OTUD7A: variants seen among roughly 807,000 people sequenced by gnomAD.
OTUD7A encodes the protein OTU deubiquitinase 7A.
A neutral mutation model predicts 65.7 loss-of-function variants in OTUD7A; 12 were observed. That is an observed-to-expected ratio of 0.18 (90% CI 0.12 to 0.30). The LOEUF is 0.30. Ranked by LOEUF, OTUD7A falls within the 10% of genes least tolerant of loss-of-function variation. OTUD7A has a pLI of 1.00. For synonymous variants in OTUD7A, 641 were observed against 586.3 expected (o/e 1.09, Z -1.35); for missense variants, 1,148 against 1,304.8 (o/e 0.88, Z 1.85).
At chr15:31,569,352 A>G (rs1202699571) in intron 4 of OTUD7A, among the ~76,000 whole-genome samples, 1 of 152,264 alleles carries the variant, frequency 6.6e-6, no homozygotes, top group African/African-American at 2.4e-5. Context: ...TTAACACATT[A>G]TAGAATAAAA....
intron 1 of OTUD7A, chr15:31,768,273 C>T (rs916074005): frequency 6.0e-5 from 44 of 738,236 alleles, no homozygotes; most frequent in Middle Eastern, 6.8e-4. Context: ...CGGGCAGCGG[C>T]GAGTCTCGGC....
intron 3 of OTUD7A, among the ~76,000 whole-genome samples, chr15:31,585,412 G>T (rs1253367679): frequency 6.6e-6 from 1 of 152,222 alleles, no homozygotes; most frequent in Non-Finnish European, 1.5e-5. Context: ...CCAGCTCTGG[G>T]GAATCTCATC....
chr15:31,821,269 G>A (rs1896675587), intron 1 of OTUD7A, among the ~76,000 whole-genome samples: 2 of 148,956 alleles, frequency 1.3e-5, no homozygotes, highest in African/African-American at 4.9e-5. Flanking sequence ...CCGAGTAGCT[G>A]GGACTACAGG....
At chr15:31,648,570 T>TA (rs2141270646) in intron 3 of OTUD7A, among the ~76,000 whole-genome samples, 1 of 152,278 alleles carries the variant, frequency 6.6e-6, no homozygotes, top group East Asian at 1.9e-4. Flanking sequence ...TTTCTCCTGA[T>TA]CACAAATTTG....
At chr15:31,548,258 C>G (rs1888201516) in intron 5 of OTUD7A, among the ~76,000 whole-genome samples, 1 of 150,562 alleles carries the variant, frequency 6.6e-6, no homozygotes, top group Non-Finnish European at 1.5e-5. Flanking sequence ...GTCAGATGTT[C>G]CTGCGCGGTG....
intron 3 of OTUD7A, among the ~76,000 whole-genome samples, chr15:31,572,410 C>T (rs1889081387): frequency 6.6e-6 from 1 of 152,136 alleles, no homozygotes; most frequent in South Asian, 2.1e-4. Context: ...TTCCAGGATG[C>T]CTCAATTTCT....
intron 1 of OTUD7A, among the ~76,000 whole-genome samples, chr15:31,837,372 CAAAAAAAAAAA>C (rs57479397): frequency 5.8e-5 from 7 of 120,312 alleles, no homozygotes; most frequent in Admixed American, 8.3e-5. Context: ...ACTAAAAATA[CAAAAAAAAAAA>C]AAAAAAAAAA....
At position 31,483,549 on chromosome 15, in the gene OTUD7A, C is replaced by T; in HGVS notation, c.2547G>A (p.Gly849=). 5 of 1,310,474 alleles carry T rather than the reference C, an allele frequency of 3.8e-6. No homozygotes were observed. Among genetic ancestry groups the T allele is most frequent in the South Asian group, 1.9e-5 (1 of 53,620 alleles). The allele number at this position is 1,310,474 out of a possible 1,614,324, so 81.2% of individuals were successfully genotyped here. ...AGGTCTGCGACTTGTGCTCGGCCGCCCCCGCCGTCCCCGCCGCGCCCGGTA... is the reference window on the plus strand; with the variant it reads ...AGGTCTGCGACTTGTGCTCGGCCGCTCCCGCCGTCCCCGCCGCGCCCGGTA... ...GALPGAAGTA[G]AAEHKSQTYT... The change falls in exon 13 of 13, where the codon GGG becomes GGA. Residue 849 remains glycine, a synonymous_variant. Coordinates refer to ENST00000307050, the MANE Select transcript of OTUD7A (RefSeq NM_001382637.1).
chr15:31,769,593 C>T (rs575943833), intron 1 of OTUD7A, among the ~76,000 whole-genome samples: 6 of 152,134 alleles, frequency 3.9e-5, no homozygotes, highest in Non-Finnish European at 8.8e-5. Flanking sequence ...AATAAACAAA[C>T]GGTGGTGCAT....
At chr15:31,859,714 C>T (rs1310971697) in intron 1 of OTUD7A, among the ~76,000 whole-genome samples, 1 of 152,168 alleles carries the variant, frequency 6.6e-6, no homozygotes, top group African/African-American at 2.4e-5. Flanking sequence ...TTATAAAAGT[C>T]CCAATGGGTT....
chr15:31,533,693 G>A (rs1201552195), intron 5 of OTUD7A, among the ~76,000 whole-genome samples: 5 of 152,154 alleles, frequency 3.3e-5, no homozygotes, highest in Admixed American at 6.5e-5. Flanking sequence ...GAAAGGAAAC[G>A]ATAAAAGAAG....
chr15:31,752,121 C>T (rs942345921), intron 1 of OTUD7A, among the ~76,000 whole-genome samples: 5 of 152,062 alleles, frequency 3.3e-5, no homozygotes, highest in African/African-American at 9.7e-5. Context: ...TGAAAGAACT[C>T]CAGGTACCTA....
chr15:31,746,756 A>G (rs1291702869), intron 1 of OTUD7A, among the ~76,000 whole-genome samples: 1 of 152,162 alleles, frequency 6.6e-6, no homozygotes, highest in Non-Finnish European at 1.5e-5. Flanking sequence ...TCTGCCTCCC[A>G]AAGTGCTGGG....
At chr15:31,661,429 CA>C (rs200498660) in intron 1 of OTUD7A, among the ~76,000 whole-genome samples, 2,060 of 152,196 alleles carry the variant, frequency 0.014, 27 homozygotes, top group Middle Eastern at 0.041. Flanking sequence ...TTTAGGCTAA[CA>C]AGGAGAACAC....
chr15:31,669,638 G>A (rs190895102), intron 1 of OTUD7A, among the ~76,000 whole-genome samples: 3 of 152,280 alleles, frequency 2.0e-5, no homozygotes, highest in Admixed American at 2.0e-4. Flanking sequence ...GGACAGATTC[G>A]CACCCTCCCC....
chr15:31,676,230 T>TATTA (rs1430297265), intron 1 of OTUD7A, among the ~76,000 whole-genome samples: 7 of 152,164 alleles, frequency 4.6e-5, no homozygotes, highest in Non-Finnish European at 1.0e-4. Context: ...TAGATGATAA[T>TATTA]GGCAGATGCC....
At chr15:31,582,344 A>C (rs1889398211) in intron 3 of OTUD7A, among the ~76,000 whole-genome samples, 1 of 152,178 alleles carries the variant, frequency 6.6e-6, no homozygotes, top group Non-Finnish European at 1.5e-5. Flanking sequence ...AAACTGTTCT[A>C]ACCTCTGCCT....
rs1444715861 is a variant in OTUD7A, at chr15:31,482,265, G to A, written c.*1029C>T. The stretch of plus-strand genomic sequence containing the variant: ...GAGTCCCTTTACCTGGCTGAACCCA[G>A]ACAGATGCAGGTGTGGGGGTGGGCT... On this transcript the variant is annotated 3_prime_UTR_variant, in exon 13 of 13. Coordinates refer to ENST00000307050, the MANE Select transcript of OTUD7A (RefSeq NM_001382637.1). 1 of 152,416 alleles carries A rather than the reference G, an allele frequency of 6.6e-6. No individual in the cohort carries two copies. The highest frequency in any genetic ancestry group is 1.5e-5 in the Non-Finnish European group (1 of 68,174). 9.4% of individuals were successfully genotyped at this position (152,416 alleles called of 1,614,324 possible).
intron 1 of OTUD7A, among the ~76,000 whole-genome samples, chr15:31,792,555 T>G (rs1895845307): frequency 6.6e-6 from 1 of 152,178 alleles, no homozygotes; most frequent in South Asian, 2.1e-4. Flanking sequence ...TCCCTCTGTC[T>G]GGCCCCCACC....
Sources: allele counts gnomAD v4.1 joint callset (sites outside exome capture counted in the v4.1 genomes callset), GRCh38; gene constraint gnomAD v4.1.1; transcripts MANE v1.5; gene names NCBI Gene and HGNC (gene_info 2026-07-23, HGNC 2026-07-21).